CCDC171: variants seen among roughly 807,000 people sequenced by gnomAD.
CCDC171 encodes the protein coiled-coil domain-containing protein 171.
Under a neutral mutation model 168.2 loss-of-function variants are expected in CCDC171, and 177 were observed. The observed-to-expected ratio is 1.05, with a 90% CI of 0.93 to 1.19. The LOEUF (loss-of-function observed/expected upper bound fraction) is 1.19. CCDC171 is among the 50% of genes most tolerant of loss of function. The pLI is 0.00. For missense variants in CCDC171, 1,991 were observed against 1,539.0 expected (o/e 1.29, Z -4.91); for synonymous variants, 687 against 540.8 (o/e 1.27, Z -3.75).
rs372299092 is a variant in CCDC171, at chr9:15,874,675, A to G, written c.3600+12A>G. The G allele has an allele frequency of 3.2e-6, 5 of 1,556,292 alleles. No homozygotes were observed. Among genetic ancestry groups the G allele is most frequent in the African/African-American group, 1.4e-5 (1 of 72,260 alleles). On this transcript the variant is annotated intron_variant, in intron 24 of 25. Transcript: ENST00000380701. ...TGGTAGCATGCCAGGTTAGAGTCTA[A>G]ATAACATTGTTTGCTACTGAGACAT...
At chr9:15,706,121 G>A (rs188484384) in intron 11 of CCDC171, among the ~76,000 whole-genome samples, 53 of 152,240 alleles carry the variant, frequency 3.5e-4, no homozygotes, top group African/African-American at 1.2e-3. Context: ...TAAAATTGAA[G>A]CACTACAGTT....
intron 21 of CCDC171, among the ~76,000 whole-genome samples, chr9:15,795,816 G>A (rs1408507277): frequency 6.6e-6 from 1 of 152,158 alleles, no homozygotes; most frequent in Non-Finnish European, 1.5e-5. Context: ...CTGGAACCTA[G>A]GCCTGTGCCA....
intron 10 of CCDC171, among the ~76,000 whole-genome samples, chr9:15,679,155 A>C (rs926363497): frequency 6.6e-6 from 1 of 152,080 alleles, no homozygotes; most frequent in African/African-American, 2.4e-5. Flanking sequence ...ATGTATTCAA[A>C]TGTTTTTTTT....
chr9:15,618,176 A>G (rs1312319300), intron 6 of CCDC171, among the ~76,000 whole-genome samples: 1 of 152,144 alleles, frequency 6.6e-6, no homozygotes, highest in African/African-American at 2.4e-5. Context: ...TTTTATCTGT[A>G]AGCTCCTGAC....
chr9:15,813,363 G>A (rs1754210235), intron 21 of CCDC171, among the ~76,000 whole-genome samples: 1 of 152,174 alleles, frequency 6.6e-6, no homozygotes, highest in Admixed American at 6.5e-5. Flanking sequence ...CACCATTTAG[G>A]TGACAACTAA....
intron 3 of CCDC171, among the ~76,000 whole-genome samples, chr9:15,980,475 G>A (rs78455670): frequency 0.014 from 2,148 of 152,176 alleles, 50 homozygotes; most frequent in African/African-American, 0.048. Context: ...TTCTATTTCT[G>A]AGACAATAGC....
At chr9:16,063,344 G>A (rs1833957049), downstream of CCDC171, among the ~76,000 whole-genome samples, 1 of 152,140 alleles carries the variant, frequency 6.6e-6, no homozygotes, top group Admixed American at 6.5e-5. Flanking sequence ...GGATGGTCTG[G>A]GGATGGGATA....
chr9:15,612,029 C>G (rs1327713326), intron 6 of CCDC171, among the ~76,000 whole-genome samples: 1 of 152,216 alleles, frequency 6.6e-6, no homozygotes, highest in Non-Finnish European at 1.5e-5. Flanking sequence ...TGTTAGGACA[C>G]AGATAGAAAG....
intron 3 of CCDC171, among the ~76,000 whole-genome samples, chr9:16,008,038 C>G (rs1247971561): frequency 6.6e-6 from 1 of 152,118 alleles, no homozygotes; most frequent in African/African-American, 2.4e-5. Flanking sequence ...TATCTTTTTA[C>G]TTCTTTATAG....
intron 16 of CCDC171, among the ~76,000 whole-genome samples, chr9:15,739,837 A>G (rs2054736760): frequency 1.3e-5 from 2 of 151,532 alleles, no homozygotes; most frequent in Non-Finnish European, 2.9e-5. Context: ...TTCTGGGTTC[A>G]AGTGATTCTC....
At chr9:15,691,012 A>G (rs1178725892) in intron 10 of CCDC171, among the ~76,000 whole-genome samples, 2 of 152,178 alleles carry the variant, frequency 1.3e-5, no homozygotes, top group African/African-American at 4.8e-5. Flanking sequence ...GGTATAACTG[A>G]TTAGAGAGTA....
chr9:15,966,755 G>A (rs530378057), intron 25 of CCDC171, among the ~76,000 whole-genome samples: 1 of 152,154 alleles, frequency 6.6e-6, no homozygotes, highest in South Asian at 2.1e-4. Context: ...AAACTAGTCT[G>A]TACTAAGGTT....
chr9:15,867,502 T>C (rs1300737873), intron 23 of CCDC171, among the ~76,000 whole-genome samples: 1 of 152,016 alleles, frequency 6.6e-6, no homozygotes, highest in African/African-American at 2.4e-5. Context: ...TTGATCTTGG[T>C]TCCTGAAGAT....
intron 25 of CCDC171, among the ~76,000 whole-genome samples, chr9:15,958,829 A>G (rs1830072871): frequency 1.3e-5 from 2 of 152,176 alleles, no homozygotes; most frequent in Admixed American, 1.3e-4. Context: ...CCAAGGGGTC[A>G]TAACAGAAGG....
chr9:15,710,670 A>G (rs1353946870), intron 11 of CCDC171, among the ~76,000 whole-genome samples: 1 of 151,614 alleles, frequency 6.6e-6, no homozygotes, highest in African/African-American at 2.4e-5. Flanking sequence ...ATCTCAGCTC[A>G]CTGCAACCTC....
intron 7 of CCDC171, among the ~76,000 whole-genome samples, chr9:15,645,529 A>C (rs527699627): frequency 6.6e-6 from 1 of 152,326 alleles, no homozygotes; most frequent in East Asian, 1.9e-4. Context: ...TAACTAGAAT[A>C]AACAGTGTAG....
chr9:15,630,364 G>T (rs112572424), intron 7 of CCDC171, among the ~76,000 whole-genome samples: 1 of 152,080 alleles, frequency 6.6e-6, no homozygotes, highest in Admixed American at 6.6e-5. Flanking sequence ...AAAAAAGGCA[G>T]GGGTTGCAAT....
chr9:15,970,755 T>G (rs1466758402), intron 25 of CCDC171, among the ~76,000 whole-genome samples: 1 of 152,216 alleles, frequency 6.6e-6, no homozygotes, highest in Non-Finnish European at 1.5e-5. Flanking sequence ...TTTCATTCCC[T>G]TATTTTGACA....
chr9:15,996,651 T>G (rs1832382934), intron 3 of CCDC171, among the ~76,000 whole-genome samples: 1 of 152,116 alleles, frequency 6.6e-6, no homozygotes, highest in Non-Finnish European at 1.5e-5. Context: ...GCAGGTTGTA[T>G]AACAATGTTT....
Sources: allele counts gnomAD v4.1 joint callset (sites outside exome capture counted in the v4.1 genomes callset), GRCh38; gene constraint gnomAD v4.1.1; transcripts MANE v1.5; gene names NCBI Gene and HGNC (gene_info 2026-07-23, HGNC 2026-07-21).